The following VWF variants were observed in gnomAD, a reference collection of about 807,000 sequenced individuals.
The protein encoded by VWF is von Willebrand factor, also known as Factor VIII related antigen.
A neutral mutation model predicts 308.6 loss-of-function variants in VWF; 176 were observed. The ratio of observed to expected loss-of-function variants is 0.57; its 90% CI spans 0.50 to 0.65. The LOEUF (loss-of-function observed/expected upper bound fraction) is 0.65. Ranked by LOEUF, VWF falls within the 30% of genes least tolerant of loss-of-function variation. The pLI is 0.00. For synonymous variants in VWF, 1,385 were observed against 1,443.4 expected (o/e 0.96, Z 0.92); for missense variants, 3,146 against 3,648.2 (o/e 0.86, Z 3.55).
intron 47 of VWF, among the ~76,000 whole-genome samples, chr12:5,954,355 A>C (rs567696016): frequency 3.3e-4 from 51 of 152,374 alleles, no homozygotes; most frequent in African/African-American, 1.2e-3. Context: ...TGATGATTAT[A>C]AACAATTAAC....
rs1457991100 is a variant in VWF, at chr12:6,052,607, G to A, written c.2122C>T (p.Pro708Ser). Residue 708 changes from proline to serine, a missense_variant, in exon 16 of 52, where the codon CCC (proline) becomes TCC (serine). By Grantham distance (74) the Pro-to-Ser change is moderately conservative (BLOSUM62 -1). This residue lies in a region of VWF where 1,304 missense variants were observed against 1,353.0 expected (regional missense o/e 0.96). Transcript: ENST00000261405. Reference sequence around the variant, plus strand: ...AAGATCTCACCGTCATAGTAACAGGGGCACTGGGCCTTGGGCACGCAGTCC... The same window carrying A: ...AAGATCTCACCGTCATAGTAACAGGAGCACTGGGCCTTGGGCACGCAGTCC... ...RGDCVPKAQC[P>S]CYYDGEIFQP... 1.2e-6 allele frequency: 2 copies of A among 1,614,138 alleles called. No individual in the cohort carries two copies. Among genetic ancestry groups the A allele is most frequent in the East Asian group, 2.2e-5 (1 of 44,898 alleles).
intron 43 of VWF, among the ~76,000 whole-genome samples, chr12:5,972,593 C>G (rs573809685): frequency 5.3e-5 from 8 of 152,178 alleles, no homozygotes; most frequent in Non-Finnish European, 1.0e-4. Context: ...ATGCACAACA[C>G]GTGTGCCTCT....
At chr12:6,055,761 T>TATACACAC (rs1555198146) in intron 15 of VWF, among the ~76,000 whole-genome samples, 5 of 135,348 alleles carry the variant, frequency 3.7e-5, no homozygotes, top group Admixed American at 7.5e-5. Flanking sequence ...TATATATGTA[T>TATACACAC]ACACACACAC....
chr12:6,021,851 G>A (rs1565833098), intron 27 of VWF, 49 bp downstream of exon 27: 2 of 1,613,360 alleles, frequency 1.2e-6, no homozygotes, highest in Non-Finnish European at 1.7e-6. Context: ...CTGGCCCCTG[G>A]AGAAGCAATA....
intron 38 of VWF, among the ~76,000 whole-genome samples, chr12:5,991,167 T>TCTCACA (rs1422760928): frequency 7.4e-6 from 1 of 134,886 alleles, no homozygotes; most frequent in Non-Finnish European, 1.6e-5. Flanking sequence ...CAAGGGATTC[T>TCTCACA]CACACACACA....
At chr12:6,009,793 G>GA (rs1217280188) in intron 34 of VWF, among the ~76,000 whole-genome samples, 10 of 152,202 alleles carry the variant, frequency 6.6e-5, no homozygotes, top group Non-Finnish European at 1.5e-5. Context: ...ATACTATTCA[G>GA]TCTTTAGAAA....
At chr12:6,087,148 T>C (rs11064020) in intron 6 of VWF, among the ~76,000 whole-genome samples, 25,954 of 151,934 alleles carry the variant, frequency 0.17, 2,632 homozygotes, top group East Asian at 0.45. Flanking sequence ...CTGCAATTGA[T>C]GTGAGCTCCT....
chr12:6,119,296 C>G (rs1025880176), intron 3 of VWF, among the ~76,000 whole-genome samples: 1 of 152,126 alleles, frequency 6.6e-6, no homozygotes, highest in Admixed American at 6.5e-5. Context: ...AGGCCCCCTT[C>G]CATTTCTACT....
intron 18 of VWF, among the ~76,000 whole-genome samples, chr12:6,037,661 G>A (rs947917643): frequency 1.2e-4 from 19 of 152,156 alleles, no homozygotes; most frequent in African/African-American, 4.1e-4. Context: ...TAGCCTTGGG[G>A]GTTCTCAAAG....
At chr12:5,986,065 G>T (rs188743312) in intron 38 of VWF, among the ~76,000 whole-genome samples, 1 of 152,180 alleles carries the variant, frequency 6.6e-6, no homozygotes, top group African/African-American at 2.4e-5. Flanking sequence ...TAGGAAGAGC[G>T]GTGGGGAGGA....
intron 6 of VWF, among the ~76,000 whole-genome samples, chr12:6,079,803 G>A (rs1297150663): frequency 1.3e-5 from 2 of 152,086 alleles, no homozygotes; most frequent in Admixed American, 6.6e-5. Context: ...CACCCTGGCT[G>A]ACAGGGCAAA....
intron 18 of VWF, among the ~76,000 whole-genome samples, chr12:6,041,151 C>T (rs547272683): frequency 4.3e-4 from 66 of 152,084 alleles, no homozygotes; most frequent in African/African-American, 1.4e-3. Context: ...TTTTTAAGGC[C>T]GGGCATGGTG....
intron 14 of VWF, among the ~76,000 whole-genome samples, chr12:6,057,311 A>ATTTTTTTTTTTTTTTTTTTTTTTTTTT (rs1250165048): frequency 7.7e-6 from 1 of 129,428 alleles, no homozygotes; most frequent in Non-Finnish European, 1.6e-5. Flanking sequence ...GGACTATGGA[A>ATTTTTTTTTTTTTTTTTTTTTTTTTTT]TTTTTTTTTT....
intron 34 of VWF, 22 bp downstream of exon 34, chr12:6,011,595 G>A (rs1943994367): frequency 1.9e-6 from 3 of 1,588,140 alleles, no homozygotes; most frequent in East Asian, 2.3e-5. Flanking sequence ...CGCTGCCCTG[G>A]CTGGAGAAGC....
rs375486035 is a variant in VWF, at chr12:6,064,369, C to T, written c.1309G>A (p.Asp437Asn). The part of the protein sequence containing the change: ...IETVQCADDR[D>N]AVCTRSVTVR... ...GTGACGGAGCGGGTGCACACAGCGTCGCGGTCATCAGCACACTGCCAAGAG... is the reference window on the plus strand; with the variant it reads ...GTGACGGAGCGGGTGCACACAGCGTTGCGGTCATCAGCACACTGCCAAGAG... The change falls in exon 12 of 52, where the codon GAC becomes AAC. Residue 437 changes from aspartate to asparagine, a missense_variant. By Grantham distance (23) the Asp-to-Asn change is conservative (BLOSUM62 1). Transcript: ENST00000261405. 4 of 1,614,090 alleles carry T rather than the reference C, an allele frequency of 2.5e-6. No homozygotes were observed. The highest frequency in any genetic ancestry group is 3.4e-6 in the Non-Finnish European group (4 of 1,180,022).
intron 3 of VWF, among the ~76,000 whole-genome samples, chr12:6,118,376 C>CTTTTTTTTTTTTTTTTTTTT: frequency 1.5e-5 from 1 of 65,486 alleles, no homozygotes; most frequent in Non-Finnish European, 3.1e-5. Flanking sequence ...CCTCTGGTCA[C>CTTTTTTTTTTTTTTTTTTTT]TTTTTTTTTT....
chr12:5,973,469 T>C (rs1206624393), intron 43 of VWF, among the ~76,000 whole-genome samples: 3 of 152,208 alleles, frequency 2.0e-5, no homozygotes. Context: ...GATGCCAAGC[T>C]CTGGTCACTT....
At position 5,971,655 on chromosome 12, in the gene VWF, C is replaced by T; in HGVS notation, c.7492G>A (p.Ala2498Thr). 1.2e-6 allele frequency: 2 copies of T among 1,614,244 alleles called. No homozygotes were observed. The highest frequency in any genetic ancestry group is 1.7e-6 in the Non-Finnish European group (2 of 1,180,044). Reference sequence around the variant, plus strand: ...GGTGAGCCAGTCACCACCTCACAGGCAGATGGCAGGCACCTTCCACAGCAC... The same window carrying T: ...GGTGAGCCAGTCACCACCTCACAGGTAGATGGCAGGCACCTTCCACAGCAC... ...GECCGRCLPS[A>T]CEVVTGSPRG... Residue 2498 changes from alanine to threonine, a missense_variant, in exon 44 of 52, where the codon GCC (alanine) becomes ACC (threonine). Transcript: ENST00000261405.
intron 5 of VWF, among the ~76,000 whole-genome samples, chr12:6,106,949 G>A (rs1435121001): frequency 2.0e-5 from 3 of 151,524 alleles, no homozygotes; most frequent in African/African-American, 7.3e-5. Flanking sequence ...AAAATGCGGC[G>A]GGGTGTAGAA....
Sources: gnomAD v4.1 joint callset for allele counts (sites outside exome capture counted in the v4.1 genomes callset) on GRCh38, gnomAD v4.1.1 for gene constraint, gnomAD v4.1.1 regional missense constraint, MANE v1.5 for transcripts, NCBI Gene and HGNC (gene_info 2026-07-23, HGNC 2026-07-21) for gene names.